Variants in ZC3H13 observed in about 807,000 individuals in gnomAD.
ZC3H13 encodes zinc finger CCCH domain-containing protein 13.
In ZC3H13, 64 loss-of-function variants were observed where a neutral mutation model predicts 204.1. The ratio of observed to expected loss-of-function variants is 0.31; its 90% CI spans 0.26 to 0.39. ZC3H13 has a LOEUF of 0.39. ZC3H13 is among the 10% of genes least tolerant of loss of function. ZC3H13 has a pLI of 1.00. For synonymous variants in ZC3H13, 667 were observed against 693.7 expected (o/e 0.96, Z 0.60); for missense variants, 1,833 against 2,082.7 (o/e 0.88, Z 2.33).
At chr13:45,975,117 TA>T (rs1346989926) in intron 12 of ZC3H13, among the ~76,000 whole-genome samples, 165 bp downstream of exon 12, 1 of 151,678 alleles carries the variant, frequency 6.6e-6, no homozygotes, top group Non-Finnish European at 1.5e-5. Flanking sequence ...AAGTGCTGGG[TA>T]AAAAAACTTT....
chr13:45,980,885 C>T (rs541253434), intron 10 of ZC3H13, among the ~76,000 whole-genome samples: 1 of 152,164 alleles, frequency 6.6e-6, no homozygotes, highest in Admixed American at 6.5e-5. Flanking sequence ...AGACATACAC[C>T]CAAGTGCATG....
rs771324830 is a variant in ZC3H13 at position 45,969,652 on chromosome 13, C to A, written c.2892G>T (p.Lys964Asn). The part of the protein sequence containing the change: ...DENKKKAKIQ[K>N]KPIKKKKEDD... ...CCTCTTTCTTTTTCTTAATTGGTTTCTTTTGAATTTTTGCTTTCTTCTTGT... is the reference window on the plus strand; with the variant it reads ...CCTCTTTCTTTTTCTTAATTGGTTTATTTTGAATTTTTGCTTTCTTCTTGT... Residue 964 changes from lysine to asparagine, a missense_variant, in exon 14 of 19, where the codon AAG becomes AAT. Coordinates refer to ENST00000679008, the MANE Select transcript of ZC3H13 (RefSeq NM_001330564.2). 6.2e-7 allele frequency: 1 copy of A among 1,608,744 alleles called. No individual in the cohort carries two copies. The highest frequency in any genetic ancestry group is 2.2e-5 in the East Asian group (1 of 44,850).
intron 5 of ZC3H13, among the ~76,000 whole-genome samples, chr13:46,018,128 T>C (rs1210982980): frequency 6.6e-6 from 1 of 152,040 alleles, no homozygotes; most frequent in Admixed American, 6.6e-5. Flanking sequence ...GAGTGATAAA[T>C]AGAAGCCAAA....
intron 8 of ZC3H13, among the ~76,000 whole-genome samples, chr13:45,992,786 T>C (rs1437518980): frequency 6.6e-6 from 1 of 152,152 alleles, no homozygotes; most frequent in Admixed American, 6.5e-5. Context: ...ACTGAGGGCC[T>C]GAACAGAACA....
At chr13:45,997,238 C>G (rs2138407058) in intron 8 of ZC3H13, among the ~76,000 whole-genome samples, 1 of 152,194 alleles carries the variant, frequency 6.6e-6, no homozygotes, top group South Asian at 2.1e-4. Flanking sequence ...AAAAATTAAC[C>G]ACATGATAGA....
At position 45,983,414 on chromosome 13, in the gene ZC3H13, T is replaced by TATATATATATATATATATATATATATATA. The variant is rs10678022; in HGVS notation, c.1720+1882_1720+1883insTATATATATATATATATATATATATATAT. Among the ~76,000 whole-genome samples the TATATATATATATATATATATATATATATA allele has an allele frequency of 2.8e-3, 58 of 20,522 alleles. 5 individuals are homozygous for TATATATATATATATATATATATATATATA. The highest frequency in any genetic ancestry group is 8.4e-3 in the African/African-American group (24 of 2,870). The allele number at this position is 20,522 out of a possible 152,430, so 13.5% of individuals were successfully genotyped here. A position where few individuals can be genotyped will look rare whatever the true frequency, so the allele number is the denominator to read the frequency against. On this transcript the variant is annotated intron_variant, in intron 10 of 18. Transcript: ENST00000679008. Reference sequence around the variant, plus strand: ...AGCCCCTTCTACTTATATATATATATTTTTTTTTTTTTTTTTTTTTTTTTT... The same window carrying TATATATATATATATATATATATATATATA: ...AGCCCCTTCTACTTATATATATATATATATATATATATATATATATATATATATATTTTTTTTTTTTTTTTTTTTTTTTT...
In ZC3H13 at chr13:45,969,221, G is replaced by C. The variant is rs750819937; in HGVS notation, c.3323C>G (p.Ala1108Gly). The change falls in exon 14 of 19, where the codon GCT (alanine) becomes GGT (glycine). Residue 1108 changes from alanine (A) to glycine (G), a missense_variant. Physicochemically the swap from Ala to Gly is moderately conservative, Grantham distance 60 (BLOSUM62 0). Coordinates refer to ENST00000679008, the MANE Select transcript of ZC3H13 (RefSeq NM_001330564.2). ...SSLLPPPPPV[A>G]TATATTVPAT... The stretch of plus-strand genomic sequence containing the variant: ...AGGCACAGTTGTAGCAGTGGCAGTA[G>C]CCACAGGCGGTGGAGGAGGAAGAAG... The C allele has an allele frequency of 6.2e-7, 1 of 1,614,056 alleles. No individual in the cohort carries two copies. Among genetic ancestry groups the C allele is most frequent in the South Asian group, 1.1e-5 (1 of 91,086 alleles).
At chr13:45,962,346 C>T in intron 17 of ZC3H13, 2 of 985,412 alleles carry the variant, frequency 2.0e-6, no homozygotes, top group Non-Finnish European at 2.4e-6. Context: ...AAGGGCCGAA[C>T]TGTATTTCAT....
intron 4 of ZC3H13, among the ~76,000 whole-genome samples, chr13:46,028,183 A>T (rs1307794270): frequency 6.6e-6 from 1 of 152,218 alleles, no homozygotes; most frequent in East Asian, 1.9e-4. Flanking sequence ...TAGGTATATT[A>T]ATTTCAGACA....
At chr13:45,958,323 T>C (rs1566132260) in intron 18 of ZC3H13, among the ~76,000 whole-genome samples, 1 of 152,218 alleles carries the variant, frequency 6.6e-6, no homozygotes. Flanking sequence ...AGTAAAAAGC[T>C]AGTGAAGTTA....
chr13:45,958,648 G>GTTT (rs10539884), intron 18 of ZC3H13, among the ~76,000 whole-genome samples: 178 of 123,614 alleles, frequency 1.4e-3, no homozygotes, highest in Non-Finnish European at 2.1e-3. Context: ...AAAAATCCCA[G>GTTT]TTTTTTTTTT....
chr13:46,004,469 GA>G (rs1593631910), intron 7 of ZC3H13, among the ~76,000 whole-genome samples: 3 of 152,264 alleles, frequency 2.0e-5, no homozygotes, highest in Non-Finnish European at 2.9e-5. Context: ...GAACCCGGAA[GA>G]AAGAGGTTGC....
chr13:45,982,257 A>T (rs1953705532), intron 10 of ZC3H13, among the ~76,000 whole-genome samples: 1 of 151,988 alleles, frequency 6.6e-6, no homozygotes, highest in Non-Finnish European at 1.5e-5. Flanking sequence ...ATAATTAAAG[A>T]CCAGGAAGAA....
intron 4 of ZC3H13, among the ~76,000 whole-genome samples, chr13:46,036,534 G>C (rs1448486942): frequency 6.6e-6 from 1 of 151,836 alleles, no homozygotes; most frequent in African/African-American, 2.4e-5. Flanking sequence ...ACAAGGGAAA[G>C]AGAACAACAT....
chr13:45,962,721 T>C (rs1238703667), intron 17 of ZC3H13: 29 of 982,920 alleles, frequency 3.0e-5, no homozygotes, highest in Non-Finnish European at 2.9e-5. Flanking sequence ...TTTTTTATTT[T>C]GTATTAGTGA....
chr13:46,000,233 T>G (rs989396893), intron 8 of ZC3H13, among the ~76,000 whole-genome samples: 1 of 152,226 alleles, frequency 6.6e-6, no homozygotes, highest in African/African-American at 2.4e-5. Context: ...AAGCCAAGCA[T>G]TGACTTCTCC....
chr13:46,041,109 T>A (rs2043550493), intron 4 of ZC3H13, among the ~76,000 whole-genome samples: 1 of 152,042 alleles, frequency 6.6e-6, no homozygotes, highest in Admixed American at 6.6e-5. Context: ...AACATATCCA[T>A]ATACAAACTT....
At chr13:45,970,295 T>C in intron 13 of ZC3H13, 67 bp downstream of exon 13, 3 of 1,536,640 alleles carry the variant, frequency 2.0e-6, no homozygotes, top group Non-Finnish European at 2.7e-6. Flanking sequence ...CCTACTAGTA[T>C]GAAAGGATGG....
In ZC3H13 at chr13:45,997,483, A is replaced by G. The variant is rs559244505; in HGVS notation, c.944+5656T>C. Reference sequence around the variant, plus strand: ...CACATACACAGGCAAAGTTTTATACATAACTCAAGAAACTTGTAGACCCCT... The same window carrying G: ...CACATACACAGGCAAAGTTTTATACGTAACTCAAGAAACTTGTAGACCCCT... On this transcript the variant is annotated intron_variant, in intron 8 of 18. Coordinates refer to ENST00000679008, the MANE Select transcript of ZC3H13 (RefSeq NM_001330564.2). 7.2e-4 allele frequency among the ~76,000 whole-genome samples: 110 copies of G among 152,308 alleles called. 3 individuals are homozygous for G. In the South Asian group the frequency reaches 0.021, roughly 30 times the overall value.
Sources: allele counts gnomAD v4.1 joint callset (sites outside exome capture counted in the v4.1 genomes callset), GRCh38; gene constraint gnomAD v4.1.1; transcripts MANE v1.5; gene names NCBI Gene and HGNC (gene_info 2026-07-23, HGNC 2026-07-21).